Variants in SNUPN observed in about 807,000 individuals in gnomAD.
SNUPN encodes snurportin 1.
Under a neutral mutation model 39.2 loss-of-function variants are expected in SNUPN, and 31 were observed. The observed-to-expected ratio is 0.79, with a 90% CI of 0.59 to 1.07. The LOEUF is 1.07. SNUPN is among the 50% of genes least tolerant of loss of function. The probability of loss-of-function intolerance (pLI) is 0.00; values close to 1 mark genes in which losing one functional copy is unlikely to be tolerated. For missense variants in SNUPN, 382 were observed against 434.2 expected, an observed-to-expected ratio of 0.88 and a Z score of 1.07; for synonymous variants, 132 against 159.0, an observed-to-expected ratio of 0.83 and a Z score of 1.28.
intron 1 of SNUPN, among the ~76,000 whole-genome samples, chr15:75,621,817 C>T (rs572004606): frequency 6.6e-6 from 1 of 152,042 alleles, no homozygotes; most frequent in South Asian, 2.1e-4. Flanking sequence ...GTGGGTGGAT[C>T]ACAAGGTCAG....
chr15:75,612,623 A>G (rs1401455147), intron 3 of SNUPN, among the ~76,000 whole-genome samples: 1 of 150,662 alleles, frequency 6.6e-6, no homozygotes, highest in Non-Finnish European at 1.5e-5. Context: ...TTTCCTCCAC[A>G]CTCATCTATA....
At chr15:75,601,552 G>A (rs150539120) in intron 7 of SNUPN, among the ~76,000 whole-genome samples, 604 of 152,230 alleles carry the variant, frequency 4.0e-3, no homozygotes, top group African/African-American at 0.013. Flanking sequence ...TCCAGACTGG[G>A]TGACAGAGCA....
intron 3 of SNUPN, among the ~76,000 whole-genome samples, chr15:75,613,642 CA>C (rs58623437): frequency 2.6e-4 from 33 of 128,490 alleles, no homozygotes; most frequent in Admixed American, 4.1e-4. Flanking sequence ...GACTCCAACT[CA>C]AAAAAAAAAA....
At chr15:75,599,572 A>G (rs1003009371) in intron 8 of SNUPN, among the ~76,000 whole-genome samples, 3 of 152,340 alleles carry the variant, frequency 2.0e-5, no homozygotes, top group African/African-American at 7.2e-5. Context: ...TTTGTGAGCC[A>G]TGTTCTGGGA....
rs989973835 is a variant in SNUPN, at chr15:75,618,586, T to C, written c.159-1034A>G. 2.0e-5 allele frequency among the ~76,000 whole-genome samples: 3 copies of C among 152,292 alleles called. No homozygotes were observed. In the South Asian group the frequency reaches 6.2e-4, roughly 32 times the overall value. ...TTCAAAGTGATTTGGAAATACCACA[T>C]AACCTCCCACATTTGATTTCTTCAA... On this transcript the variant is annotated intron_variant, in intron 2 of 8. Transcript: ENST00000308588.
chr15:75,602,046 A>G (rs532710042), intron 7 of SNUPN, among the ~76,000 whole-genome samples: 10 of 152,092 alleles, frequency 6.6e-5, no homozygotes, highest in Non-Finnish European at 1.3e-4. Context: ...CCCAGCCCCA[A>G]CCTTCTTTTA....
chr15:75,620,995 G>A lies in SNUPN; in HGVS notation c.57C>T (p.Asn19=). ...GGCGGGGGTGTGGGGCAGCTGTGCT[G>A]TTCAGATCTTGAGACACAGAAAAGC... ...ASSFSVSQDL[N]STAAPHPRLS... The change falls in exon 2 of 9, where the codon AAC becomes AAT. Residue 19 remains asparagine, a synonymous_variant. Coordinates refer to ENST00000308588, the MANE Select transcript of SNUPN (RefSeq NM_005701.4). 6.2e-7 allele frequency: 1 copy of A among 1,614,082 alleles called. No homozygotes were observed. Among genetic ancestry groups the A allele is most frequent in the East Asian group, 2.2e-5 (1 of 44,888 alleles).
chr15:75,598,725 C>G, intron 8 of SNUPN, 44 bp from the exon 9 acceptor site: 1 of 1,487,986 alleles, frequency 6.7e-7, no homozygotes, highest in Non-Finnish European at 9.2e-7. Context: ...CTTCTGGGGC[C>G]ACATGTTTCC....
chr15:75,611,148 C>G (rs1892768260), intron 3 of SNUPN, among the ~76,000 whole-genome samples: 1 of 148,248 alleles, frequency 6.7e-6, no homozygotes, highest in Admixed American at 6.7e-5. Flanking sequence ...AGCCTGGTGA[C>G]AGAGTGAGAC....
At chr15:75,606,862 G>A (rs1595983345) in intron 6 of SNUPN, among the ~76,000 whole-genome samples, 1 of 152,006 alleles carries the variant, frequency 6.6e-6, no homozygotes, top group Non-Finnish European at 1.5e-5. Context: ...GCTGCACAAG[G>A]TGGCATCCCC....
chr15:75,609,875 C>T lies in SNUPN; in HGVS notation c.408+15G>A, dbSNP rs759767594. 82 of 1,587,970 alleles carry T rather than the reference C, an allele frequency of 5.2e-5. No individual in the cohort carries two copies. Among genetic ancestry groups the T allele is most frequent in the Non-Finnish European group, 6.0e-5 (69 of 1,156,564 alleles). ...AGACCAGGCCTACTGGCATAGGGGGCAGGCAGCTACTCACCCTGGAGGCCA... is the reference window on the plus strand; with the variant it reads ...AGACCAGGCCTACTGGCATAGGGGGTAGGCAGCTACTCACCCTGGAGGCCA... On this transcript the variant is annotated intron_variant, in intron 4 of 8. Transcript: ENST00000308588.
intron 3 of SNUPN, among the ~76,000 whole-genome samples, chr15:75,612,315 G>A (rs1209798662): frequency 6.6e-6 from 1 of 152,120 alleles, no homozygotes; most frequent in Non-Finnish European, 1.5e-5. Context: ...TTACAGGTAT[G>A]AGCCACTGTG....
Position 75,598,160 on chromosome 15 carries a change from C to G in SNUPN, c.*198G>C. 1.8e-6 allele frequency: 1 copy of G among 557,618 alleles called. No homozygotes were observed. The allele number at this position is 557,618 out of a possible 1,614,324, so 34.5% of individuals were successfully genotyped here. A position where few individuals can be genotyped will look rare whatever the true frequency, so the allele number is the denominator to read the frequency against. On this transcript the variant is annotated 3_prime_UTR_variant, in exon 9 of 9. Coordinates refer to ENST00000308588, the MANE Select transcript of SNUPN (RefSeq NM_005701.4). ...CACAGTAGGAGCTGCTCAAATCAAT[C>G]TGAATGCTACGCAATCTGGGAACCT...
intron 8 of SNUPN, 88 bp from the exon 9 acceptor site, chr15:75,598,769 G>GT: frequency 4.0e-6 from 4 of 989,924 alleles, no homozygotes; most frequent in Non-Finnish European, 5.9e-6. Context: ...CAGCTCTTGT[G>GT]GTCCGACTCC....
chr15:75,612,523 T>C (rs903317852), intron 3 of SNUPN, among the ~76,000 whole-genome samples: 20 of 152,168 alleles, frequency 1.3e-4, no homozygotes, highest in Non-Finnish European at 2.5e-4. Context: ...GTCCCCCTTT[T>C]CTCTTAGATG....
At position 75,613,472 on chromosome 15, in the gene SNUPN, G is replaced by A. The variant is rs375400424; in HGVS notation, c.304-3478C>T. Among the ~76,000 whole-genome samples the A allele has an allele frequency of 1.8e-4, 27 of 150,306 alleles. No homozygotes were observed. The East Asian group carries it at 2.6e-3, about 14-fold the overall frequency. ...AGCCTGGTCAATACGCTGAAACCCC[G>A]TCTCTACTAAAAATACAAAAATTAG... On this transcript the variant is annotated intron_variant, in intron 3 of 8. Coordinates refer to ENST00000308588, the MANE Select transcript of SNUPN (RefSeq NM_005701.4).
intron 5 of SNUPN, among the ~76,000 whole-genome samples, chr15:75,608,519 C>T (rs906147189): frequency 6.6e-6 from 1 of 152,196 alleles, no homozygotes; most frequent in Non-Finnish European, 1.5e-5. Context: ...ATTTCTCCCC[C>T]ACGACCTTAG....
At chr15:75,615,095 CTTTT>C (rs1892889583) in intron 3 of SNUPN, among the ~76,000 whole-genome samples, 1 of 152,114 alleles carries the variant, frequency 6.6e-6, no homozygotes, top group Non-Finnish European at 1.5e-5. Flanking sequence ...GGCAACATTT[CTTTT>C]TTATTTGTTT....
intron 7 of SNUPN, among the ~76,000 whole-genome samples, chr15:75,603,599 T>C (rs2075307929): frequency 6.9e-6 from 1 of 145,074 alleles, no homozygotes; most frequent in Non-Finnish European, 1.5e-5. Context: ...AGGCGGAGCT[T>C]GCAGTGAGCC....
Sources: allele counts gnomAD v4.1 joint callset (sites outside exome capture counted in the v4.1 genomes callset), GRCh38; gene constraint gnomAD v4.1.1; transcripts MANE v1.5; gene names NCBI Gene and HGNC (gene_info 2026-07-23, HGNC 2026-07-21).